The following DPYD variants were observed in gnomAD, a reference collection of about 807,000 sequenced individuals.
The protein encoded by DPYD is dihydropyrimidine dehydrogenase, also known as dihydropyrimidine dehydrogenase [NADP(+)].
A neutral mutation model predicts 116.2 loss-of-function variants in DPYD; 109 were observed. That is an observed-to-expected ratio of 0.94 (90% CI 0.80 to 1.10). The LOEUF (loss-of-function observed/expected upper bound fraction) is 1.10. Ranked by LOEUF, DPYD falls within the 50% of genes least tolerant of loss-of-function variation. DPYD has a pLI of 0.00. For missense variants in DPYD, 1,302 were observed against 1,254.5 expected (o/e 1.04, Z -0.57); for synonymous variants, 440 against 432.0 (o/e 1.02, Z -0.23).
At chr1:97,883,026 T>C (rs1672305379) in intron 2 of DPYD, among the ~76,000 whole-genome samples, 1 of 152,084 alleles carries the variant, frequency 6.6e-6, no homozygotes, top group Admixed American at 6.6e-5. Flanking sequence ...GATTTGGGTA[T>C]TATGAATTTT....
intron 3 of DPYD, among the ~76,000 whole-genome samples, chr1:97,762,230 TAGTC>T (rs1173848241): frequency 5.3e-5 from 8 of 152,124 alleles, no homozygotes; most frequent in Non-Finnish European, 1.2e-4. Flanking sequence ...AGAGAGGACA[TAGTC>T]AGAGAAAAAT....
At chr1:97,621,750 G>T (rs2100772361) in intron 8 of DPYD, among the ~76,000 whole-genome samples, 1 of 152,022 alleles carries the variant, frequency 6.6e-6, no homozygotes, top group South Asian at 2.1e-4. Context: ...TAGGACTTAG[G>T]AAGGAAATAT....
In DPYD at chr1:97,271,586, C is replaced by T. The variant is rs779477898; in HGVS notation, c.2299+33673G>A. Among the ~76,000 whole-genome samples, 4 of 152,276 alleles carry T rather than the reference C, an allele frequency of 2.6e-5. No individual in the cohort carries two copies. In the South Asian group the frequency reaches 8.3e-4, roughly 32 times the overall value. ...AATTCAACCTTTTTCAAGAAATCTGCATATTCTCCACATTCTGCCGATATT... is the reference window on the plus strand; with the variant it reads ...AATTCAACCTTTTTCAAGAAATCTGTATATTCTCCACATTCTGCCGATATT... On this transcript the variant is annotated intron_variant, in intron 18 of 22. Transcript: ENST00000370192.
intron 20 of DPYD, among the ~76,000 whole-genome samples, chr1:97,102,876 G>A (rs1298619127): frequency 1.3e-5 from 2 of 151,894 alleles, no homozygotes; most frequent in Non-Finnish European, 2.9e-5. Context: ...AGACTCCTTG[G>A]AAAACTGTTT....
In DPYD at chr1:97,371,088, A is replaced by G. The variant is rs190736475; in HGVS notation, c.2058+2473T>C. On this transcript the variant is annotated intron_variant, in intron 16 of 22. Transcript: ENST00000370192. ...TATAAGCTTATATATATGTATATAT[A>G]TCAGTGTTACATCTATATAATGTTG... Among the ~76,000 whole-genome samples, 526 of 152,256 alleles carry G rather than the reference A, an allele frequency of 3.5e-3. 2 individuals are homozygous for G. The highest frequency in any genetic ancestry group is 0.012 in the African/African-American group (510 of 41,548).
chr1:97,336,051 T>C (rs987552177), intron 16 of DPYD, among the ~76,000 whole-genome samples: 1 of 152,182 alleles, frequency 6.6e-6, no homozygotes, highest in Non-Finnish European at 1.5e-5. Context: ...AGCTTAATAG[T>C]TTTTCCTTAT....
chr1:97,408,339 T>G (rs1372590696), intron 14 of DPYD, among the ~76,000 whole-genome samples: 1 of 152,196 alleles, frequency 6.6e-6, no homozygotes, highest in Non-Finnish European at 1.5e-5. Flanking sequence ...CTTATTTTGT[T>G]AAGAACATGT....
intron 13 of DPYD, among the ~76,000 whole-genome samples, chr1:97,460,716 A>T (rs1252731968): frequency 2.6e-5 from 4 of 152,122 alleles, no homozygotes; most frequent in Non-Finnish European, 5.9e-5. Context: ...TGGAATCTAC[A>T]TTAACCAGTC....
intron 12 of DPYD, chr1:97,546,044 T>A (rs770742255): frequency 7.0e-5 from 97 of 1,384,892 alleles, no homozygotes; most frequent in Non-Finnish European, 9.0e-5. Context: ...AGGTGTTAGA[T>A]GATGAAGACA....
At chr1:97,468,778 G>A (rs1321324706) in intron 13 of DPYD, among the ~76,000 whole-genome samples, 1 of 152,182 alleles carries the variant, frequency 6.6e-6, no homozygotes, top group African/African-American at 2.4e-5. Context: ...GACCAAAGAT[G>A]ACTACAGAGG....
At chr1:97,629,257 G>A (rs780218340) in intron 8 of DPYD, among the ~76,000 whole-genome samples, 1 of 152,018 alleles carries the variant, frequency 6.6e-6, no homozygotes, top group Non-Finnish European at 1.5e-5. Context: ...CAGAAGCAGA[G>A]CCTGAGTCAA....
chr1:97,916,425 C>T lies in DPYD; in HGVS notation c.39+4459G>A, dbSNP rs1159900138. Among the ~76,000 whole-genome samples, 13 of 152,186 alleles carry T rather than the reference C, an allele frequency of 8.5e-5. No homozygotes were observed. The South Asian group carries it at 1.2e-3, about 15-fold the overall frequency. On this transcript the variant is annotated intron_variant, in intron 1 of 22. Transcript: ENST00000370192. Reference sequence around the variant, plus strand: ...ATTCCCACCTATGAGTGAGAACATGCGGTGTTTGGTTTTTTGTCCTTGTGA... The same window carrying T: ...ATTCCCACCTATGAGTGAGAACATGTGGTGTTTGGTTTTTTGTCCTTGTGA...
At chr1:97,112,600 C>T (rs1651678999) in intron 20 of DPYD, among the ~76,000 whole-genome samples, 1 of 152,122 alleles carries the variant, frequency 6.6e-6, no homozygotes, top group South Asian at 2.1e-4. Flanking sequence ...CTTCTCTAAA[C>T]AGAAGAGACT....
Position 97,193,029 on chromosome 1 carries a change from C to T in DPYD, c.2622+40G>A, listed in dbSNP as rs765922046. The T allele has an allele frequency of 1.2e-5, 19 of 1,607,976 alleles. No individual in the cohort carries two copies. The East Asian group carries it at 4.0e-4, about 34-fold the overall frequency. On this transcript the variant is annotated intron_variant, in intron 20 of 22. Coordinates refer to ENST00000370192, the MANE Select transcript of DPYD (RefSeq NM_000110.4). Reference sequence around the variant, plus strand: ...ATAAGATCTGAAATAGAAACCAAGGCTGAGTTCTCAAGAATAACACAGGAG... The same window carrying T: ...ATAAGATCTGAAATAGAAACCAAGGTTGAGTTCTCAAGAATAACACAGGAG...
At chr1:97,612,262 T>C (rs932154322) in intron 8 of DPYD, among the ~76,000 whole-genome samples, 9 of 152,054 alleles carry the variant, frequency 5.9e-5, no homozygotes, top group Non-Finnish European at 1.3e-4. Context: ...GATCAATAAA[T>C]AGAAAATCAA....
At chr1:97,200,250 C>A (rs1000449958) in intron 19 of DPYD, among the ~76,000 whole-genome samples, 1 of 152,144 alleles carries the variant, frequency 6.6e-6, no homozygotes, top group Non-Finnish European at 1.5e-5. Context: ...ATAAACTACA[C>A]TTCAGGACTT....
At chr1:97,488,316 G>T (rs189857965) in intron 13 of DPYD, among the ~76,000 whole-genome samples, 1 of 152,226 alleles carries the variant, frequency 6.6e-6, no homozygotes, top group Admixed American at 6.5e-5. Context: ...ACTACAAAAG[G>T]TTATGTGAGG....
intron 18 of DPYD, among the ~76,000 whole-genome samples, chr1:97,236,812 G>A (rs972912624): frequency 6.6e-6 from 1 of 152,202 alleles, no homozygotes; most frequent in African/African-American, 2.4e-5. Context: ...CTCTAGTGGG[G>A]AATGTTGATA....
At chr1:97,834,932 C>T (rs993149477) in intron 2 of DPYD, among the ~76,000 whole-genome samples, 2 of 151,968 alleles carry the variant, frequency 1.3e-5, no homozygotes, top group Non-Finnish European at 2.9e-5. Flanking sequence ...GATGAACATT[C>T]TACTGTCAAT....
Sources: gnomAD v4.1 joint callset for allele counts (sites outside exome capture counted in the v4.1 genomes callset) on GRCh38, gnomAD v4.1.1 for gene constraint, MANE v1.5 for transcripts, NCBI Gene and HGNC (gene_info 2026-07-23, HGNC 2026-07-21) for gene names.